SLC6A6: variants seen among roughly 807,000 people sequenced by gnomAD.
The protein encoded by SLC6A6 is solute carrier family 6 member 6.
Under a neutral mutation model 68.8 loss-of-function variants are expected in SLC6A6, and 16 were observed. The observed-to-expected ratio is 0.23, with a 90% CI of 0.16 to 0.35. The LOEUF (loss-of-function observed/expected upper bound fraction) is 0.35, where lower values mean the gene tolerates loss of function less well. Among genes scored for constraint, SLC6A6 ranks in the 10% least tolerant of loss-of-function variants. SLC6A6 has a pLI of 1.00. For missense variants in SLC6A6, 474 were observed against 802.8 expected, an observed-to-expected ratio of 0.59 and a Z score of 4.95; for synonymous variants, 312 against 315.4, an observed-to-expected ratio of 0.99 and a Z score of 0.12.
chr3:14,457,675 A>T (rs1403334315), intron 5 of SLC6A6, among the ~76,000 whole-genome samples: 3 of 152,216 alleles, frequency 2.0e-5, no homozygotes, highest in Non-Finnish European at 4.4e-5. Context: ...AGATGAGGAA[A>T]CTGAGGCTCA....
rs577409366 is a variant in SLC6A6, at chr3:14,488,153, T to C, written c.*3146T>C. Reference sequence around the variant, plus strand: ...GAGAAGCCAGAGGTGTGCCAGATCCTTAGGCAGGATTTAGATGAAGTCGCC... The same window carrying C: ...GAGAAGCCAGAGGTGTGCCAGATCCCTAGGCAGGATTTAGATGAAGTCGCC... On this transcript the variant is annotated 3_prime_UTR_variant, in exon 15 of 15. Coordinates refer to ENST00000622186, the MANE Select transcript of SLC6A6 (RefSeq NM_003043.6). The C allele has an allele frequency of 6.5e-6, 1 of 152,712 alleles. No individual in the cohort carries two copies. Among genetic ancestry groups the C allele is most frequent in the South Asian group, 2.1e-4 (1 of 4,822 alleles). The allele number at this position is 152,712 out of a possible 1,614,324, so 9.5% of individuals were successfully genotyped here. A position where few individuals can be genotyped will look rare whatever the true frequency, so the allele number is the denominator to read the frequency against.
chr3:14,436,020 C>T (rs1248158891), intron 2 of SLC6A6, among the ~76,000 whole-genome samples: 2 of 152,174 alleles, frequency 1.3e-5, no homozygotes, highest in African/African-American at 4.8e-5. Context: ...CTTGAGTTAG[C>T]CTTTCCTTGG....
chr3:14,439,000 G>C (rs996595185), intron 2 of SLC6A6, among the ~76,000 whole-genome samples: 1 of 152,202 alleles, frequency 6.6e-6, no homozygotes, highest in African/African-American at 2.4e-5. Context: ...GTAGATGCTG[G>C]GGGAGGCAGC....
intron 14 of SLC6A6, among the ~76,000 whole-genome samples, chr3:14,483,726 C>G (rs1256983904): frequency 6.6e-6 from 1 of 152,186 alleles, no homozygotes; most frequent in Non-Finnish European, 1.5e-5. Context: ...GGGTCTTGCT[C>G]CTTTGCCCAG....
intron 1 of SLC6A6, among the ~76,000 whole-genome samples, chr3:14,413,601 G>T (rs1293899258): frequency 6.6e-6 from 1 of 152,156 alleles, no homozygotes; most frequent in African/African-American, 2.4e-5. Context: ...AGACCTTGGG[G>T]GCAGGGCTCC....
intron 14 of SLC6A6, among the ~76,000 whole-genome samples, chr3:14,483,332 A>G (rs574538815): frequency 6.6e-6 from 1 of 152,306 alleles, no homozygotes; most frequent in East Asian, 1.9e-4. Flanking sequence ...TGTGCCCCTC[A>G]GGGGCTCCCA....
chr3:14,423,687 G>A (rs1467577881), intron 2 of SLC6A6, among the ~76,000 whole-genome samples: 1 of 152,146 alleles, frequency 6.6e-6, no homozygotes, highest in Non-Finnish European at 1.5e-5. Flanking sequence ...TTCTGCCTGG[G>A]CCTCAGTTGC....
chr3:14,465,871 C>T (rs1011955031), intron 6 of SLC6A6, among the ~76,000 whole-genome samples: 1 of 152,236 alleles, frequency 6.6e-6, no homozygotes, highest in East Asian at 1.9e-4. Flanking sequence ...TCCACGAAGG[C>T]AGGGATTTGT....
chr3:14,412,613 A>G (rs1699274669), intron 1 of SLC6A6, among the ~76,000 whole-genome samples: 1 of 152,178 alleles, frequency 6.6e-6, no homozygotes, highest in Non-Finnish European at 1.5e-5. Context: ...CTGAGCTGAG[A>G]TCGTGCCACC....
chr3:14,449,864 G>T (rs1268335259), intron 5 of SLC6A6, among the ~76,000 whole-genome samples: 1 of 152,112 alleles, frequency 6.6e-6, no homozygotes, highest in Non-Finnish European at 1.5e-5. Context: ...CAATTCTCCT[G>T]CCTCAGCCTC....
At chr3:14,456,126 C>T (rs1265407494) in intron 5 of SLC6A6, among the ~76,000 whole-genome samples, 3 of 152,180 alleles carry the variant, frequency 2.0e-5, no homozygotes, top group Non-Finnish European at 4.4e-5. Context: ...TTTTCCCTAT[C>T]TGTAAAATGG....
chr3:14,485,340 A>G lies in SLC6A6; in HGVS notation c.*333A>G. 1 of 180,116 alleles carries G rather than the reference A, an allele frequency of 5.6e-6. No individual in the cohort carries two copies. The highest frequency in any genetic ancestry group is 1.2e-5 in the Non-Finnish European group (1 of 85,772). 11.2% of individuals were successfully genotyped at this position (180,116 alleles called of 1,614,324 possible). ...TATTTTTTTTTTTACATATAAGTAT[A>G]TATACACTTAGAGATTGTCATATAC... On this transcript the variant is annotated 3_prime_UTR_variant, in exon 15 of 15. Coordinates refer to ENST00000622186, the MANE Select transcript of SLC6A6 (RefSeq NM_003043.6).
At chr3:14,419,707 C>T (rs1699444552) in intron 2 of SLC6A6, among the ~76,000 whole-genome samples, 1 of 152,126 alleles carries the variant, frequency 6.6e-6, no homozygotes, top group South Asian at 2.1e-4. Flanking sequence ...ACTTTGTAAG[C>T]ACAGTGAGGT....
rs1376276801 is a variant in SLC6A6, at chr3:14,468,392, T to A, written c.1096+180T>A. Among the ~76,000 whole-genome samples, 1 of 99,998 alleles carries A rather than the reference T, an allele frequency of 1.0e-5. No individual in the cohort carries two copies. The highest frequency in any genetic ancestry group is 4.1e-5 in the African/African-American group (1 of 24,554). 65.6% of individuals were successfully genotyped at this position (99,998 alleles called of 152,430 possible). ...TTTCAAAGAGTACAAAGCCAAATTT[T>A]AAACATTTGTATTGCAATTTGGCCC... On this transcript the variant is annotated intron_variant, in intron 9 of 14. Coordinates refer to ENST00000622186, the MANE Select transcript of SLC6A6 (RefSeq NM_003043.6). The surrounding 1 kb of genome is among the most constrained non-coding windows in gnomAD (Gnocchi z 4.5).
At chr3:14,428,873 A>T (rs1039389534) in intron 2 of SLC6A6, among the ~76,000 whole-genome samples, 4 of 152,174 alleles carry the variant, frequency 2.6e-5, no homozygotes, top group Admixed American at 2.0e-4. Flanking sequence ...CACTGGAGAA[A>T]GTGACTCCTC....
chr3:14,466,889 G>A (rs1700632750), intron 7 of SLC6A6, among the ~76,000 whole-genome samples: 1 of 152,200 alleles, frequency 6.6e-6, no homozygotes, highest in South Asian at 2.1e-4. Flanking sequence ...ACGTCTGAGG[G>A]TGGCCACTTA....
At chr3:14,453,067 T>C (rs1700290191) in intron 5 of SLC6A6, among the ~76,000 whole-genome samples, 1 of 152,264 alleles carries the variant, frequency 6.6e-6, no homozygotes, top group African/African-American at 2.4e-5. Flanking sequence ...GGAGAAAGGC[T>C]GCACGGCCCC....
intron 2 of SLC6A6, among the ~76,000 whole-genome samples, chr3:14,438,092 A>T (rs532824385): frequency 5.0e-4 from 72 of 145,160 alleles, no homozygotes; most frequent in African/African-American, 1.8e-3. Context: ...TGATCTGCCC[A>T]CCTCGGCCTC....
At chr3:14,426,043 C>T (rs1161079519) in intron 2 of SLC6A6, among the ~76,000 whole-genome samples, 2 of 152,182 alleles carry the variant, frequency 1.3e-5, no homozygotes, top group African/African-American at 4.8e-5. Flanking sequence ...AGCTGCCACC[C>T]GGTCCGTGAA....
Sources: allele counts gnomAD v4.1 joint callset (sites outside exome capture counted in the v4.1 genomes callset), GRCh38; gene constraint gnomAD v4.1.1; non-coding constraint Gnocchi (gnomAD v3.1); transcripts MANE v1.5; gene names NCBI Gene and HGNC (gene_info 2026-07-23, HGNC 2026-07-21).